ERICH2: variants seen among roughly 807,000 people sequenced by gnomAD.
ERICH2 encodes glutamate-rich protein 2.
In ERICH2, 17 loss-of-function variants were observed where a neutral mutation model predicts 17.4. The ratio of observed to expected loss-of-function variants is 0.98; its 90% CI spans 0.67 to 1.47. ERICH2 has a LOEUF of 1.47. Among genes scored for constraint, ERICH2 ranks in the 40% most tolerant of loss-of-function variants. The pLI is 0.00. For missense variants in ERICH2, 186 were observed against 183.2 expected (o/e 1.01, Z -0.09); for synonymous variants, 51 against 61.1 (o/e 0.83, Z 0.77).
upstream of ERICH2, chr2:170,779,783 A>C: frequency 1.1e-6 from 1 of 951,866 alleles, no homozygotes. Context: ...TCCCATTTTT[A>C]TACCTCAAGT....
chr2:170,783,989 T>TTTG (rs1172306827), intron 1 of ERICH2: 1 of 1,353,938 alleles, frequency 7.4e-7, no homozygotes, highest in Non-Finnish European at 1.0e-6. Flanking sequence ...TTTACCTTTT[T>TTTG]TTGTTGTTGT....
At chr2:170,789,318 C>G (rs774189235) in intron 2 of ERICH2, among the ~76,000 whole-genome samples, 3 of 152,082 alleles carry the variant, frequency 2.0e-5, no homozygotes, top group African/African-American at 7.2e-5. Context: ...CATCATGAAA[C>G]TTCACCCGTA....
the ERICH2 span, among the ~76,000 whole-genome samples, chr2:170,778,612 C>T: frequency 6.6e-6 from 1 of 151,930 alleles, no homozygotes; most frequent in East Asian, 1.9e-4. Flanking sequence ...TATTTATTTT[C>T]ATTTAAAGTT....
upstream of ERICH2, chr2:170,783,243 T>C (rs1701072693): frequency 2.0e-5 from 3 of 152,276 alleles, no homozygotes; most frequent in Admixed American, 1.3e-4. Context: ...CTTTCTACCC[T>C]TCTCACTACT....
At chr2:170,783,718 A>C (rs1161746330), upstream of ERICH2, 22 of 1,405,088 alleles carry the variant, frequency 1.6e-5, no homozygotes, top group East Asian at 5.3e-4. Flanking sequence ...TAAATGAGAC[A>C]GTTCCTGTGA....
the ERICH2 span, among the ~76,000 whole-genome samples, chr2:170,772,485 CAGAG>C: frequency 6.6e-5 from 10 of 152,276 alleles, no homozygotes; most frequent in South Asian, 8.3e-4. Flanking sequence ...AACTGAATCA[CAGAG>C]AGGTTAAGGA....
chr2:170,781,893 G>A (rs149711826), upstream of ERICH2, among the ~76,000 whole-genome samples: 293 of 152,198 alleles, frequency 1.9e-3, 1 homozygote, highest in Middle Eastern at 0.017. Flanking sequence ...GGCAAAAATC[G>A]ATTTATAAAC....
At chr2:170,778,883 C>T (rs9973711), upstream of ERICH2, among the ~76,000 whole-genome samples, 63,667 of 151,940 alleles carry the variant, frequency 0.42, 14,524 homozygotes, top group African/African-American at 0.59. Flanking sequence ...GGTGTTCCAC[C>T]TCCTGAGGTA....
intron 3 of ERICH2, among the ~76,000 whole-genome samples, chr2:170,794,344 G>T (rs1701367441): frequency 6.6e-6 from 1 of 152,046 alleles, no homozygotes; most frequent in Non-Finnish European, 1.5e-5. Flanking sequence ...TTGGCCTCAA[G>T]TGATTCTCCT....
At chr2:170,796,307 TTAG>T (rs1387403460) in intron 3 of ERICH2, among the ~76,000 whole-genome samples, 1 of 152,212 alleles carries the variant, frequency 6.6e-6, no homozygotes, top group African/African-American at 2.4e-5. Context: ...GTTAGTTATG[TTAG>T]TAGATTAGGA....
At chr2:170,790,997 A>G (rs1252817359) in intron 2 of ERICH2, among the ~76,000 whole-genome samples, 1 of 152,098 alleles carries the variant, frequency 6.6e-6, no homozygotes, top group Non-Finnish European at 1.5e-5. Context: ...AAACAAGAAA[A>G]ATAATTAAAC....
At chr2:170,796,435 T>TTC in intron 3 of ERICH2, among the ~76,000 whole-genome samples, 1 of 26,930 alleles carries the variant, frequency 3.7e-5, no homozygotes, top group African/African-American at 9.2e-5. Flanking sequence ...TTTGTTTTTT[T>TTC]TTTTGTTTTT....
chr2:170,782,904 T>C (rs1010653593), upstream of ERICH2, among the ~76,000 whole-genome samples: 4 of 152,132 alleles, frequency 2.6e-5, no homozygotes, highest in South Asian at 2.1e-4. Flanking sequence ...CTGGGCAATA[T>C]AGCAAGACCC....
chr2:170,794,657 G>A (rs1333133607), intron 3 of ERICH2, among the ~76,000 whole-genome samples: 4 of 152,058 alleles, frequency 2.6e-5, no homozygotes, highest in African/African-American at 4.8e-5. Context: ...CGTTAAAAAA[G>A]AGAAAATAGC....
At chr2:170,779,975 AAG>A (rs1303108924), upstream of ERICH2, 1 of 404,528 alleles carries the variant, frequency 2.5e-6, no homozygotes, top group Non-Finnish European at 3.3e-6. Flanking sequence ...AATCTCCTGA[AAG>A]AATTATTTCA....
chr2:170,794,043 G>A, intron 3 of ERICH2, among the ~76,000 whole-genome samples: 1 of 141,702 alleles, frequency 7.1e-6, no homozygotes, highest in Admixed American at 7.0e-5. Context: ...GCTCTAGTGT[G>A]TTTTGTTTTC....
upstream of ERICH2, chr2:170,779,726 A>G (rs1700983442): frequency 2.0e-6 from 1 of 489,614 alleles, no homozygotes; most frequent in Non-Finnish European, 2.7e-6. Context: ...TTACATAATC[A>G]CGTGTTTTAT....
chr2:170,798,717 C>T, intron 4 of ERICH2, 53 bp from the exon 10 acceptor site: 1 of 1,540,374 alleles, frequency 6.5e-7, no homozygotes, highest in South Asian at 1.2e-5. Context: ...AATTATTTTT[C>T]AGAGTGAAAT....
intron 2 of ERICH2, among the ~76,000 whole-genome samples, chr2:170,789,486 A>AT (rs953453425): frequency 6.6e-6 from 1 of 152,024 alleles, no homozygotes; most frequent in Non-Finnish European, 1.5e-5. Flanking sequence ...TTCTAGCTGG[A>AT]TTTTTTTCCA....
Sources: allele counts gnomAD v4.1 joint callset (sites outside exome capture counted in the v4.1 genomes callset), GRCh38; gene constraint gnomAD v4.1.1; transcripts MANE v1.5; gene names NCBI Gene and HGNC (gene_info 2026-07-23, HGNC 2026-07-21).